Variants in SNX8 observed in about 807,000 individuals in gnomAD.
SNX8 encodes sorting nexin 8.
A neutral mutation model predicts 51.6 loss-of-function variants in SNX8; 25 were observed. That is an observed-to-expected ratio of 0.48 (90% CI 0.35 to 0.68). The LOEUF (loss-of-function observed/expected upper bound fraction) is 0.68, where lower values mean the gene tolerates loss of function less well. Ranked by LOEUF, SNX8 falls within the 30% of genes least tolerant of loss-of-function variation. The probability of loss-of-function intolerance (pLI) is 0.00; values close to 1 mark genes in which losing one functional copy is unlikely to be tolerated. For synonymous variants in SNX8, 324 were observed against 277.0 expected, an observed-to-expected ratio of 1.17 and a Z score of -1.68; for missense variants, 695 against 624.0, an observed-to-expected ratio of 1.11 and a Z score of -1.21.
At chr7:2,351,913 T>TG in intron 1 of SNX8, among the ~76,000 whole-genome samples, 2 of 146,390 alleles carry the variant, frequency 1.4e-5, no homozygotes, top group East Asian at 3.9e-4. Flanking sequence ...TGGTTTTTTT[T>TG]TTTTTTTTTT....
intron 10 of SNX8, among the ~76,000 whole-genome samples, chr7:2,255,813 G>A (rs966614994): frequency 1.3e-5 from 2 of 152,218 alleles, no homozygotes; most frequent in African/African-American, 4.8e-5. Flanking sequence ...TTTGGAACCA[G>A]GGCAAGGAAC....
chr7:2,333,129 G>C (rs1351113911), intron 1 of SNX8, among the ~76,000 whole-genome samples: 2 of 151,568 alleles, frequency 1.3e-5, no homozygotes, highest in Non-Finnish European at 2.9e-5. Context: ...GCCCAGGCTG[G>C]TCTTGAACTC....
chr7:2,265,556 G>A (rs949541656), intron 5 of SNX8, among the ~76,000 whole-genome samples: 2 of 151,270 alleles, frequency 1.3e-5, no homozygotes, highest in Non-Finnish European at 3.0e-5. Flanking sequence ...GAGGCAGGAG[G>A]ATCACTTGAG....
intron 1 of SNX8, among the ~76,000 whole-genome samples, chr7:2,346,130 T>G (rs568048921): frequency 3.5e-4 from 53 of 152,028 alleles, no homozygotes; most frequent in African/African-American, 1.3e-3. Flanking sequence ...AGCATATGGG[T>G]CTACTATAAA....
At chr7:2,319,733 C>G (rs988809809) in intron 1 of SNX8, among the ~76,000 whole-genome samples, 1 of 146,768 alleles carries the variant, frequency 6.8e-6, no homozygotes, top group African/African-American at 2.5e-5. Flanking sequence ...GAGAATGGTG[C>G]GAACCTGGGA....
intron 1 of SNX8, among the ~76,000 whole-genome samples, chr7:2,319,725 G>C (rs1796804541): frequency 6.6e-6 from 1 of 151,242 alleles, no homozygotes; most frequent in Admixed American, 6.6e-5. Flanking sequence ...TAAGGCAGGA[G>C]AATGGTGCGA....
chr7:2,258,215 A>C (rs1020484359), intron 7 of SNX8, among the ~76,000 whole-genome samples: 26 of 151,748 alleles, frequency 1.7e-4, no homozygotes, highest in African/African-American at 6.1e-4. Flanking sequence ...ACGGGGTTTC[A>C]CCGTGTTAGC....
At chr7:2,347,494 A>AG (rs200297169) in intron 1 of SNX8, among the ~76,000 whole-genome samples, 39,482 of 116,346 alleles carry the variant, frequency 0.34, 6,086 homozygotes, top group Non-Finnish European at 0.38. Flanking sequence ...AAAAAAAAAA[A>AG]AAAAAGAAAA....
chr7:2,350,319 T>A (rs1370057598), intron 1 of SNX8, among the ~76,000 whole-genome samples: 1 of 152,106 alleles, frequency 6.6e-6, no homozygotes, highest in Non-Finnish European at 1.5e-5. Flanking sequence ...TCAGGCAGCC[T>A]CTCTCCCCAG....
At chr7:2,270,167 A>C (rs112383096) in intron 4 of SNX8, among the ~76,000 whole-genome samples, 3,084 of 152,130 alleles carry the variant, frequency 0.02, 39 homozygotes, top group South Asian at 0.043. Context: ...CTCATCTGAA[A>C]GAGGCCTCCT....
intron 3 of SNX8, among the ~76,000 whole-genome samples, chr7:2,272,690 A>C (rs1237471659): frequency 6.6e-6 from 1 of 150,934 alleles, no homozygotes; most frequent in Non-Finnish European, 1.5e-5. Context: ...TTTTCTATTC[A>C]CTGTGCTTAT....
At chr7:2,303,528 GAA>G (rs1331985163) in intron 1 of SNX8, among the ~76,000 whole-genome samples, 4 of 152,260 alleles carry the variant, frequency 2.6e-5, no homozygotes, top group African/African-American at 9.6e-5. Flanking sequence ...GAAAGGTGGG[GAA>G]AAGATTGAGA....
chr7:2,264,588 A>G (rs574842251), intron 5 of SNX8, 130 bp from the exon 6 acceptor site: 12 of 744,350 alleles, frequency 1.6e-5, no homozygotes, highest in Non-Finnish European at 2.6e-5. Flanking sequence ...CGGGAGCCCC[A>G]CTCCTCCAGG....
intron 1 of SNX8, among the ~76,000 whole-genome samples, chr7:2,306,908 C>T (rs1462012248): frequency 8.5e-5 from 13 of 152,138 alleles, no homozygotes; most frequent in Admixed American, 5.9e-4. Context: ...TGGAAAATAA[C>T]GTAACTGGGC....
At position 2,346,711 on chromosome 7, in the gene SNX8, A is replaced by C. The variant is rs191975639; in HGVS notation, c.-66+7511T>G. On this transcript the variant is annotated intron_variant, in intron 1 of 5. Transcript: ENST00000435336. ...CAGTGAGCTGAGATTGCGCCACTGC[A>C]CTCCAGCCTGGGCTGGACTCCGTCT... 2.4e-3 allele frequency among the ~76,000 whole-genome samples: 307 copies of C among 127,752 alleles called. 6 individuals carry two copies. Among genetic ancestry groups the C allele is most frequent in the Admixed American group, 0.017 (157 of 9,482 alleles). The allele number at this position is 127,752 out of a possible 152,430, so 83.8% of individuals were successfully genotyped here. A position where few individuals can be genotyped will look rare whatever the true frequency, so the allele number is the denominator to read the frequency against.
intron 1 of SNX8, among the ~76,000 whole-genome samples, chr7:2,290,547 T>C (rs1270681459): frequency 1.3e-5 from 2 of 152,108 alleles, no homozygotes; most frequent in Non-Finnish European, 2.9e-5. Context: ...GCCCAGCACA[T>C]AATAGATGCT....
intron 1 of SNX8, among the ~76,000 whole-genome samples, chr7:2,320,497 G>A (rs1189602840): frequency 6.6e-6 from 1 of 152,130 alleles, no homozygotes; most frequent in African/African-American, 2.4e-5. Flanking sequence ...AAGGCAGGAG[G>A]ATGACTTGAG....
chr7:2,309,977 A>G (rs1159373915), intron 1 of SNX8: 2 of 426,942 alleles, frequency 4.7e-6, no homozygotes, highest in Non-Finnish European at 9.6e-6. Context: ...CAACGCGGAC[A>G]AACAGCACGG....
At chr7:2,269,212 G>A (rs1795577233) in intron 5 of SNX8, among the ~76,000 whole-genome samples, 1 of 151,064 alleles carries the variant, frequency 6.6e-6, no homozygotes, top group Admixed American at 6.6e-5. Context: ...TTGGGATCCT[G>A]TTGATCTGTG....
Sources: gnomAD v4.1 joint callset for allele counts (sites outside exome capture counted in the v4.1 genomes callset) on GRCh38, gnomAD v4.1.1 for gene constraint, MANE v1.5 for transcripts, NCBI Gene and HGNC (gene_info 2026-07-23, HGNC 2026-07-21) for gene names.